CHD9: variants seen among roughly 807,000 people sequenced by gnomAD.
The protein encoded by CHD9 is chromodomain helicase DNA binding protein 9.
CHD9 carries 77 observed loss-of-function variants against 316.1 expected under a neutral mutation model. The observed-to-expected ratio is 0.24, with a 90% confidence interval of 0.20 to 0.29. The LOEUF is 0.29. Ranked by LOEUF, CHD9 falls within the 10% of genes least tolerant of loss-of-function variation. The probability of loss-of-function intolerance (pLI) is 1.00; values close to 1 mark genes in which losing one functional copy is unlikely to be tolerated. For synonymous variants in CHD9, 1,129 were observed against 1,158.3 expected (o/e 0.97, Z 0.51); for missense variants, 2,763 against 3,438.1 (o/e 0.80, Z 4.91).
intron 1 of CHD9, among the ~76,000 whole-genome samples, chr16:53,115,656 GT>G (rs769283344): frequency 1.3e-3 from 196 of 152,346 alleles, no homozygotes; most frequent in Non-Finnish European, 2.0e-3. Context: ...TGAGTGATCG[GT>G]TTGTTTTGTG....
chr16:53,147,219 T>G (rs2040705643), intron 1 of CHD9, among the ~76,000 whole-genome samples: 2 of 152,078 alleles, frequency 1.3e-5, no homozygotes, highest in South Asian at 4.1e-4. Flanking sequence ...GAAAGGGCAA[T>G]CAGGAAAGGC....
Position 53,292,780 on chromosome 16 carries a change from A to C in CHD9, c.5291-53A>C, listed in dbSNP as rs187084815. On this transcript the variant is annotated intron_variant, in intron 28 of 38. Transcript: ENST00000447540. Reference sequence around the variant, plus strand: ...TTAAAGTAAAGTTGCTGCTTTTGTGAGCTTCATACAGTATCTGTTTAGTTA... The same window carrying C: ...TTAAAGTAAAGTTGCTGCTTTTGTGCGCTTCATACAGTATCTGTTTAGTTA... 9.7e-4 allele frequency: 1,364 copies of C among 1,403,404 alleles called. 2 individuals are homozygous for C. The highest frequency in any genetic ancestry group is 7.2e-4 in the Non-Finnish European group (723 of 1,007,720). 86.9% of individuals were successfully genotyped at this position (1,403,404 alleles called of 1,614,324 possible).
intron 1 of CHD9, chr16:53,121,315 G>A: frequency 2.2e-6 from 1 of 455,526 alleles, no homozygotes; most frequent in South Asian, 1.6e-5. Flanking sequence ...ACTTCTCCAG[G>A]AGTGCTTATG....
rs1439044130 is a variant in CHD9 at position 53,323,886 on chromosome 16, A to T, written c.7819-134A>T. 6 of 723,800 alleles carry T rather than the reference A, an allele frequency of 8.3e-6. No homozygotes were observed. In the Admixed American group the frequency reaches 8.7e-5, roughly 11 times the overall value. 44.8% of individuals were successfully genotyped at this position (723,800 alleles called of 1,614,324 possible). A position where few individuals can be genotyped will look rare whatever the true frequency, so the allele number is the denominator to read the frequency against. ...ATAAAATTAGGTTATTGCTATTATA[A>T]TTGATTATTTAATATCAGTACAGAA... is the stretch of plus-strand genomic sequence containing the variant. On this transcript the variant is annotated intron_variant, in intron 38 of 38. Transcript: ENST00000447540.
intron 15 of CHD9, among the ~76,000 whole-genome samples, chr16:53,246,508 G>A (rs1244475724): frequency 6.6e-6 from 1 of 151,574 alleles, no homozygotes; most frequent in Non-Finnish European, 1.5e-5. Context: ...GTGTTTTTTT[G>A]TTGTTGTTGT....
At chr16:53,139,999 T>C (rs771186477) in intron 1 of CHD9, among the ~76,000 whole-genome samples, 11 of 151,282 alleles carry the variant, frequency 7.3e-5, no homozygotes, top group Non-Finnish European at 1.3e-4. Context: ...CTCGAGAGGC[T>C]GAGGTGGCAG....
rs554544100 is a variant in CHD9, at chr16:53,208,803, G to A, written c.1453-679G>A. 1.3e-5 allele frequency: 8 copies of A among 603,950 alleles called. No individual in the cohort carries two copies. In the African/African-American group the frequency reaches 1.4e-4, roughly 11 times the overall value. 37.4% of individuals were successfully genotyped at this position (603,950 alleles called of 1,614,324 possible). A position where few individuals can be genotyped will look rare whatever the true frequency, so the allele number is the denominator to read the frequency against. ...TTAAAATGCTCTTGATCTGCTTCCT[G>A]TGATATTGCTAAATATTAATAATTT... On this transcript the variant is annotated intron_variant, in intron 2 of 38. Coordinates refer to ENST00000447540, the MANE Select transcript of CHD9 (RefSeq NM_001308319.2).
At chr16:53,321,711 A>G (rs2057282590) in intron 38 of CHD9, 81 bp downstream of exon 38, 2 of 770,982 alleles carry the variant, frequency 2.6e-6, no homozygotes, top group African/African-American at 3.5e-5. Flanking sequence ...AATTATAATT[A>G]ATAAAATATT....
chr16:53,062,712 A>T (rs1401155582), intron 1 of CHD9, among the ~76,000 whole-genome samples: 1 of 152,182 alleles, frequency 6.6e-6, no homozygotes, highest in Non-Finnish European at 1.5e-5. Context: ...ACTGCACTCC[A>T]GGAAGACCCC....
intron 33 of CHD9, 22 bp downstream of exon 33, chr16:53,307,975 T>G: frequency 6.4e-7 from 1 of 1,562,506 alleles, no homozygotes; most frequent in South Asian, 1.2e-5. Context: ...TTTATTGCCC[T>G]AGGGCCTGAT....
At chr16:53,119,235 A>T (rs527320049) in intron 1 of CHD9, among the ~76,000 whole-genome samples, 1 of 152,276 alleles carries the variant, frequency 6.6e-6, no homozygotes, top group African/African-American at 2.4e-5. Context: ...GGCATTAATT[A>T]TGTGCAGTTT....
At chr16:53,249,468 G>A (rs1028209282) in intron 16 of CHD9, among the ~76,000 whole-genome samples, 18 of 152,148 alleles carry the variant, frequency 1.2e-4, no homozygotes, top group African/African-American at 3.6e-4. Flanking sequence ...TATGTCAGTC[G>A]AGAGTAACAT....
intron 34 of CHD9, among the ~76,000 whole-genome samples, chr16:53,312,886 G>A (rs1362932825): frequency 6.6e-6 from 1 of 152,162 alleles, no homozygotes; most frequent in South Asian, 2.1e-4. Context: ...CTCCTTGAAT[G>A]ACTGGAAATG....
At chr16:53,118,991 C>T (rs939842294) in intron 1 of CHD9, among the ~76,000 whole-genome samples, 1 of 152,060 alleles carries the variant, frequency 6.6e-6, no homozygotes, top group Non-Finnish European at 1.5e-5. Context: ...GGGGTTCCAC[C>T]ATGTTGGCCA....
intron 2 of CHD9, among the ~76,000 whole-genome samples, chr16:53,173,240 G>C (rs909818468): frequency 1.4e-4 from 21 of 146,200 alleles, no homozygotes; most frequent in African/African-American, 4.8e-4. Flanking sequence ...TAGGTTATCT[G>C]TGTCTTTTTG....
intron 26 of CHD9, among the ~76,000 whole-genome samples, chr16:53,286,637 A>C (rs954123057): frequency 2.6e-5 from 4 of 152,168 alleles, no homozygotes; most frequent in African/African-American, 9.7e-5. Flanking sequence ...TAGGGGGAGA[A>C]AAAGGCAAGA....
intron 1 of CHD9, among the ~76,000 whole-genome samples, chr16:53,095,452 G>A (rs2152561531): frequency 6.6e-6 from 1 of 152,036 alleles, no homozygotes; most frequent in East Asian, 1.9e-4. Context: ...GGGAGGCTGA[G>A]GCAGGAGGAT....
chr16:53,249,204 C>T (rs758594482), intron 16 of CHD9, among the ~76,000 whole-genome samples: 10 of 152,108 alleles, frequency 6.6e-5, no homozygotes, highest in Admixed American at 3.9e-4. Flanking sequence ...CAGAGATAAC[C>T]GCGGAGAGAC....
At chr16:53,094,832 T>A (rs957098125) in intron 1 of CHD9, among the ~76,000 whole-genome samples, 7 of 152,052 alleles carry the variant, frequency 4.6e-5, no homozygotes, top group South Asian at 2.1e-4. Context: ...AGATACAGGG[T>A]TTCGCCACGT....
Sources: allele counts gnomAD v4.1 joint callset (sites outside exome capture counted in the v4.1 genomes callset), GRCh38; gene constraint gnomAD v4.1.1; transcripts MANE v1.5; gene names NCBI Gene and HGNC (gene_info 2026-07-23, HGNC 2026-07-21).